PRKCQ: variants seen among roughly 807,000 people sequenced by gnomAD.
The protein encoded by PRKCQ is protein kinase C theta.
PRKCQ carries 41 observed loss-of-function variants against 91.2 expected under a neutral mutation model. The observed-to-expected ratio is 0.45, with a 90% CI of 0.35 to 0.58. The LOEUF is 0.58. PRKCQ is among the 20% of genes least tolerant of loss of function. PRKCQ has a pLI of 0.00. For missense variants in PRKCQ, 673 were observed against 896.5 expected (o/e 0.75, Z 3.18); for synonymous variants, 307 against 316.9 (o/e 0.97, Z 0.33).
chr10:6,422,160 G>A (rs974452110), downstream of PRKCQ, among the ~76,000 whole-genome samples: 1 of 152,172 alleles, frequency 6.6e-6, no homozygotes, highest in Non-Finnish European at 1.5e-5. Context: ...ATGTTGGGAT[G>A]CAGCAATAAA....
intron 1 of PRKCQ, among the ~76,000 whole-genome samples, chr10:6,556,100 C>T (rs1454144719): frequency 6.6e-6 from 1 of 152,096 alleles, no homozygotes; most frequent in African/African-American, 2.4e-5. Context: ...AGAAGAATAA[C>T]TTATTCCTTT....
intron 15 of PRKCQ, among the ~76,000 whole-genome samples, chr10:6,444,873 C>T (rs543226156): frequency 6.6e-6 from 1 of 152,228 alleles, no homozygotes; most frequent in South Asian, 2.1e-4. Flanking sequence ...GCCATTCTCC[C>T]AGCCCTTTGG....
intron 1 of PRKCQ, among the ~76,000 whole-genome samples, chr10:6,549,502 G>A (rs1475654723): frequency 6.6e-6 from 1 of 152,024 alleles, no homozygotes; most frequent in East Asian, 1.9e-4. Context: ...ACAAAGGTTT[G>A]TCATAGCGAT....
rs144290893 is a variant in PRKCQ, at chr10:6,446,736, G to A, written c.1648-4655C>T. 9.0e-3 allele frequency among the ~76,000 whole-genome samples: 1,366 copies of A among 152,236 alleles called. 13 individuals are homozygous for A. Among genetic ancestry groups the A allele is most frequent in the Non-Finnish European group, 0.013 (871 of 67,998 alleles). ...GGTGGCCCCTTTCTCTCTCAGCCCC[G>A]GGACCTTGCCTCATTGTGATCTCTT... On this transcript the variant is annotated intron_variant, in intron 15 of 17. Transcript: ENST00000263125.
chr10:6,396,371 A>G, the PRKCQ span, among the ~76,000 whole-genome samples: 2 of 152,214 alleles, frequency 1.3e-5, no homozygotes, highest in African/African-American at 4.8e-5. Flanking sequence ...AACTGCCATC[A>G]CAGTCATATT....
Position 6,496,388 on chromosome 10 carries a change from C to T in PRKCQ, c.660+647G>A, listed in dbSNP as rs79995847. Among the ~76,000 whole-genome samples, 1,317 of 152,218 alleles carry T rather than the reference C, an allele frequency of 8.7e-3. 10 individuals carry two copies. The highest frequency in any genetic ancestry group is 0.018 in the Admixed American group (281 of 15,296). On this transcript the variant is annotated intron_variant, in intron 7 of 17. Coordinates refer to ENST00000263125, the MANE Select transcript of PRKCQ (RefSeq NM_006257.5). Reference sequence around the variant, plus strand: ...AATTTGTCTTCCGATTATACCTCAACGTTTACTCTAAAAGAAATATTTGCT... The same window carrying T: ...AATTTGTCTTCCGATTATACCTCAATGTTTACTCTAAAAGAAATATTTGCT...
intron 1 of PRKCQ, among the ~76,000 whole-genome samples, chr10:6,551,398 CT>C (rs368070599): frequency 9.5e-4 from 131 of 138,070 alleles, no homozygotes; most frequent in Admixed American, 1.4e-3. Flanking sequence ...TTTTTTTTTT[CT>C]TTTTTTTTTT....
chr10:6,414,566 T>C, the PRKCQ span, among the ~76,000 whole-genome samples: 1 of 151,296 alleles, frequency 6.6e-6, no homozygotes, highest in Non-Finnish European at 1.5e-5. Context: ...ATTCCATACA[T>C]TCAAAAAGCT....
Position 6,483,789 on chromosome 10 carries a change from C to G in PRKCQ, c.1019-189G>C, listed in dbSNP as rs527545844. 5.9e-5 allele frequency among the ~76,000 whole-genome samples: 9 copies of G among 152,278 alleles called. No individual in the cohort carries two copies. In the East Asian group the frequency reaches 1.4e-3, roughly 23 times the overall value. ...CCATCTGTCTGTGAGGGCAGCACCC[C>G]CTGTCTGTGAGCCTGGCATTTGGAT... On this transcript the variant is annotated intron_variant, in intron 10 of 17. Coordinates refer to ENST00000263125, the MANE Select transcript of PRKCQ (RefSeq NM_006257.5).
At chr10:6,432,221 T>C (rs1833459485) in intron 16 of PRKCQ, among the ~76,000 whole-genome samples, 1 of 152,110 alleles carries the variant, frequency 6.6e-6, no homozygotes, top group Non-Finnish European at 1.5e-5. Context: ...ACACCTAAAT[T>C]GCGAGTCTCT....
At chr10:6,415,453 T>TAC in the PRKCQ span, among the ~76,000 whole-genome samples, 2 of 98,254 alleles carry the variant, frequency 2.0e-5, no homozygotes, top group Admixed American at 2.4e-4. Context: ...TATATATATA[T>TAC]ATACACTTAC....
chr10:6,463,424 C>T (rs866412732), intron 13 of PRKCQ, among the ~76,000 whole-genome samples: 23 of 152,204 alleles, frequency 1.5e-4, no homozygotes, highest in Non-Finnish European at 2.6e-4. Context: ...GAATTCTTTC[C>T]GGCATGAAAA....
At chr10:6,563,526 C>T (rs1472459641) in intron 1 of PRKCQ, among the ~76,000 whole-genome samples, 2 of 152,170 alleles carry the variant, frequency 1.3e-5, no homozygotes, top group Non-Finnish European at 2.9e-5. Context: ...TTCTGCTTTA[C>T]TTTCTATGCT....
intron 4 of PRKCQ, among the ~76,000 whole-genome samples, chr10:6,505,579 T>C (rs1455656230): frequency 6.8e-6 from 1 of 146,124 alleles, no homozygotes; most frequent in Non-Finnish European, 1.5e-5. Flanking sequence ...TTCCCCTTCC[T>C]TCCTTCCTTC....
At chr10:6,436,333 T>A (rs1206272457) in intron 16 of PRKCQ, among the ~76,000 whole-genome samples, 2 of 152,184 alleles carry the variant, frequency 1.3e-5, no homozygotes, top group Non-Finnish European at 1.5e-5. Flanking sequence ...ATTCACAGGA[T>A]GTTGATAAGA....
At chr10:6,472,287 G>C (rs544668245) in intron 12 of PRKCQ, among the ~76,000 whole-genome samples, 1 of 152,072 alleles carries the variant, frequency 6.6e-6, no homozygotes, top group Non-Finnish European at 1.5e-5. Context: ...CAGGCTGGGC[G>C]ACAGAGCGAG....
the PRKCQ span, among the ~76,000 whole-genome samples, chr10:6,415,417 T>C: frequency 3.0e-4 from 3 of 10,036 alleles, no homozygotes; most frequent in African/African-American, 5.2e-4. Context: ...TATATATATA[T>C]ATATATATAT....
intron 1 of PRKCQ, among the ~76,000 whole-genome samples, chr10:6,522,593 A>G (rs1839055200): frequency 6.6e-6 from 1 of 152,242 alleles, no homozygotes; most frequent in Admixed American, 6.5e-5. Context: ...ATCAATTGAA[A>G]AAAATATCAA....
the PRKCQ span, among the ~76,000 whole-genome samples, chr10:6,395,126 T>G: frequency 6.1e-4 from 89 of 145,460 alleles, 3 homozygotes; most frequent in African/African-American, 2.1e-3. Flanking sequence ...GCAGTGGCTG[T>G]GATCTCGGCT....
Sources: gnomAD v4.1 joint callset for allele counts (sites outside exome capture counted in the v4.1 genomes callset) on GRCh38, gnomAD v4.1.1 for gene constraint, MANE v1.5 for transcripts, NCBI Gene and HGNC (gene_info 2026-07-23, HGNC 2026-07-21) for gene names.